Variants in SBF2 observed in about 807,000 individuals in gnomAD.
SBF2 encodes SET binding factor 2.
In SBF2, 112 loss-of-function variants were observed where a neutral mutation model predicts 225.2. The ratio of observed to expected loss-of-function variants is 0.50; its 90% confidence interval spans 0.43 to 0.58. SBF2 has a LOEUF of 0.58. SBF2 is among the 20% of genes least tolerant of loss of function. SBF2 has a pLI of 0.00. For missense variants in SBF2, 1,996 were observed against 2,206.2 expected (o/e 0.90, Z 1.91); for synonymous variants, 763 against 773.3 (o/e 0.99, Z 0.22).
chr11:10,122,275 T>C (rs1029666473), intron 2 of SBF2, among the ~76,000 whole-genome samples: 4 of 152,154 alleles, frequency 2.6e-5, no homozygotes, highest in Non-Finnish European at 5.9e-5. Flanking sequence ...TTAGTTAAGA[T>C]GAAAAAGGCA....
At chr11:10,234,903 G>C (rs12279727) in intron 1 of SBF2, among the ~76,000 whole-genome samples, 3,286 of 152,214 alleles carry the variant, frequency 0.022, 89 homozygotes, top group African/African-American at 0.065. Flanking sequence ...AGGTGGTACA[G>C]TATCTCTTAT....
chr11:10,153,782 G>A (rs780675537), intron 2 of SBF2, among the ~76,000 whole-genome samples: 10 of 152,048 alleles, frequency 6.6e-5, no homozygotes, highest in Non-Finnish European at 1.3e-4. Flanking sequence ...AAAAAAGAAA[G>A]AAGGAAGTTT....
intron 6 of SBF2, among the ~76,000 whole-genome samples, chr11:10,006,488 T>A (rs1397944294): frequency 6.6e-6 from 1 of 152,216 alleles, no homozygotes; most frequent in African/African-American, 2.4e-5. Context: ...ACATAGGGCC[T>A]CATTCTAGCC....
chr11:10,231,381 G>A (rs1196317487), intron 1 of SBF2, among the ~76,000 whole-genome samples: 14 of 152,140 alleles, frequency 9.2e-5, no homozygotes, highest in Admixed American at 7.9e-4. Flanking sequence ...GAGGAGAAGC[G>A]CTCTGATTTT....
chr11:10,252,834 T>C (rs72850439), intron 1 of SBF2, among the ~76,000 whole-genome samples: 5 of 132,410 alleles, frequency 3.8e-5, no homozygotes, highest in South Asian at 2.3e-4. Context: ...AAAAAAAAAA[T>C]CAAAAAAAAG....
At position 9,845,498 on chromosome 11, in the gene SBF2, G is replaced by T. The variant is rs1449126088; in HGVS notation, c.3110+67C>A. On this transcript the variant is annotated intron_variant, in intron 24 of 39. Transcript: ENST00000256190. ...CAATCGCTTACACCTGGACACAAAG[G>T]ATAGGTTACTCCTTTTGCAATCAAT... is the stretch of plus-strand genomic sequence containing the variant. 2.1e-5 allele frequency: 29 copies of T among 1,412,168 alleles called. No individual in the cohort carries two copies. The East Asian group carries it at 6.6e-4, about 32-fold the overall frequency. The allele number at this position is 1,412,168 out of a possible 1,614,324, so 87.5% of individuals were successfully genotyped here.
At chr11:10,259,016 T>G (rs1961171255) in intron 1 of SBF2, among the ~76,000 whole-genome samples, 1 of 152,206 alleles carries the variant, frequency 6.6e-6, no homozygotes, top group Non-Finnish European at 1.5e-5. Context: ...GAGCTAGTTG[T>G]AGCTCCTGGG....
At chr11:9,852,078 A>G (rs1387764347) in intron 21 of SBF2, among the ~76,000 whole-genome samples, 1 of 152,140 alleles carries the variant, frequency 6.6e-6, no homozygotes, top group Non-Finnish European at 1.5e-5. Flanking sequence ...CCTGGCCTCA[A>G]TTTGTTTTTG....
intron 1 of SBF2, among the ~76,000 whole-genome samples, chr11:10,208,293 A>G (rs1258289801): frequency 6.6e-6 from 1 of 152,106 alleles, no homozygotes; most frequent in Non-Finnish European, 1.5e-5. Context: ...AGCAGACCAA[A>G]ATCTCCTCCA....
At chr11:10,175,600 C>A (rs1387473517) in intron 2 of SBF2, among the ~76,000 whole-genome samples, 1 of 151,088 alleles carries the variant, frequency 6.6e-6, no homozygotes, top group South Asian at 2.1e-4. Context: ...TTAGACAGAT[C>A]AACGAGACAG....
intron 13 of SBF2, among the ~76,000 whole-genome samples, chr11:9,976,653 A>G (rs1240580325): frequency 6.6e-6 from 1 of 152,244 alleles, no homozygotes; most frequent in Non-Finnish European, 1.5e-5. Context: ...GTCAAATTAC[A>G]TATCTAGCAA....
chr11:9,858,281 C>G lies in SBF2; in HGVS notation c.2045G>C (p.Arg682Pro). 1 of 1,614,124 alleles carries G rather than the reference C, an allele frequency of 6.2e-7. No individual in the cohort carries two copies. The highest frequency in any genetic ancestry group is 8.5e-7 in the Non-Finnish European group (1 of 1,180,008). Reference sequence around the variant, plus strand: ...TTCCTTGGCTGAGAGATAAAGGGAGCGAACCTGTTCCTGCACTGCATTGTA... The same window carrying G: ...TTCCTTGGCTGAGAGATAAAGGGAGGGAACCTGTTCCTGCACTGCATTGTA... ...TFYNAVQEQV[R>P]SLYLSAKEDN... is the part of the protein sequence containing the mutation. The change falls in exon 18 of 40, where the codon CGC becomes CCC. Residue 682 changes from arginine (R) to proline (P), a missense_variant. Coordinates refer to ENST00000256190, the MANE Select transcript of SBF2 (RefSeq NM_030962.4).
At chr11:9,813,818 T>C (rs1854319548) in intron 29 of SBF2, among the ~76,000 whole-genome samples, 1 of 152,050 alleles carries the variant, frequency 6.6e-6, no homozygotes, top group Admixed American at 6.6e-5. Context: ...GACAGGCACC[T>C]GTAATCGCAG....
chr11:10,063,858 C>CACACACACACAG (rs373423157), intron 2 of SBF2, among the ~76,000 whole-genome samples: 146 of 136,222 alleles, frequency 1.1e-3, no homozygotes, highest in African/African-American at 3.7e-3. Flanking sequence ...CACACACACA[C>CACACACACACAG]AGAGAGAGAG....
intron 29 of SBF2, 33 bp from the exon 30 acceptor site, chr11:9,812,741 G>T (rs372687583): frequency 6.2e-7 from 1 of 1,607,666 alleles, no homozygotes; most frequent in Non-Finnish European, 8.5e-7. Context: ...TTAGGCAGAT[G>T]AAGTGCTATA....
At chr11:10,209,396 C>T (rs1245154990) in intron 1 of SBF2, among the ~76,000 whole-genome samples, 1 of 151,916 alleles carries the variant, frequency 6.6e-6, no homozygotes, top group African/African-American at 2.4e-5. Flanking sequence ...ATAATCCAAG[C>T]CGTGTGTTTT....
At chr11:9,936,052 A>G (rs566159907) in intron 16 of SBF2, among the ~76,000 whole-genome samples, 1 of 152,110 alleles carries the variant, frequency 6.6e-6, no homozygotes, top group African/African-American at 2.4e-5. Context: ...TTTGCAATCT[A>G]CCCATCTGAC....
chr11:9,983,712 G>A (rs1947062505), intron 13 of SBF2, among the ~76,000 whole-genome samples: 1 of 152,166 alleles, frequency 6.6e-6, no homozygotes, highest in Non-Finnish European at 1.5e-5. Context: ...ACAGGCACTG[G>A]TATCCACAGC....
intron 2 of SBF2, among the ~76,000 whole-genome samples, chr11:10,059,248 A>G (rs1950351010): frequency 6.6e-6 from 1 of 152,150 alleles, no homozygotes; most frequent in East Asian, 1.9e-4. Context: ...ACAAGACTCA[A>G]TGATATGTTG....
Sources: allele counts gnomAD v4.1 joint callset (sites outside exome capture counted in the v4.1 genomes callset), GRCh38; gene constraint gnomAD v4.1.1; transcripts MANE v1.5; gene names NCBI Gene and HGNC (gene_info 2026-07-23, HGNC 2026-07-21).